RUVBL1: variants seen among roughly 807,000 people sequenced by gnomAD.
The protein encoded by RUVBL1 is ruvB-like 1.
RUVBL1 carries 4 observed loss-of-function variants against 52.4 expected under a neutral mutation model. The observed-to-expected ratio is 0.08, with a 90% confidence interval of 0.04 to 0.17. The LOEUF (loss-of-function observed/expected upper bound fraction) is 0.17, where lower values mean the gene tolerates loss of function less well. Ranked by LOEUF, RUVBL1 falls within the 10% of genes least tolerant of loss-of-function variation. RUVBL1 has a pLI of 1.00. For synonymous variants in RUVBL1, 217 were observed against 214.4 expected (o/e 1.01, Z -0.10); for missense variants, 298 against 572.8 (o/e 0.52, Z 4.90).
upstream of RUVBL1, among the ~76,000 whole-genome samples, chr3:128,127,768 G>A (rs1173121263): frequency 6.6e-6 from 1 of 152,136 alleles, no homozygotes; most frequent in Admixed American, 6.5e-5. Context: ...AGGCCGAGGT[G>A]GGCAGATCAC....
intron 9 of RUVBL1, chr3:128,066,983 G>A (rs776717459): frequency 2.4e-5 from 38 of 1,614,026 alleles, no homozygotes; most frequent in Non-Finnish European, 3.0e-5. Context: ...CAATCAAGTC[G>A]GCCCGCTACC....
chr3:128,099,780 G>A (rs963062618), intron 6 of RUVBL1, among the ~76,000 whole-genome samples: 1 of 152,178 alleles, frequency 6.6e-6, no homozygotes, highest in African/African-American at 2.4e-5. Context: ...CAAGTAGGAG[G>A]GAACTCAAAA....
chr3:128,098,102 C>A (rs1323434635), intron 7 of RUVBL1, among the ~76,000 whole-genome samples: 2 of 152,156 alleles, frequency 1.3e-5, no homozygotes, highest in African/African-American at 4.8e-5. Flanking sequence ...GGATGAGTCT[C>A]TCAAAAGTTA....
exon 1 of RUVBL1, chr3:128,153,849 G>A: frequency 6.7e-7 from 1 of 1,482,688 alleles, no homozygotes; most frequent in East Asian, 2.7e-5. Context: ...GGCGGGAGCC[G>A]GGCTCAGGGA....
chr3:128,151,024 A>T (rs1259527948), intron 1 of RUVBL1, among the ~76,000 whole-genome samples: 2 of 84,886 alleles, frequency 2.4e-5, no homozygotes, highest in Non-Finnish European at 4.1e-5. Flanking sequence ...TTATATATAT[A>T]ATATATATTC....
intron 3 of RUVBL1, among the ~76,000 whole-genome samples, chr3:128,108,020 A>G (rs1943288677): frequency 6.6e-6 from 1 of 152,214 alleles, no homozygotes; most frequent in Admixed American, 6.5e-5. Context: ...GTGACGGACA[A>G]TGAAACCGGC....
intron 9 of RUVBL1, among the ~76,000 whole-genome samples, chr3:128,087,272 G>A (rs1018591933): frequency 2.0e-5 from 3 of 152,202 alleles, no homozygotes; most frequent in Admixed American, 1.3e-4. Flanking sequence ...GTGGAACAGC[G>A]AGCCTGGCCT....
chr3:128,096,490 A>G (rs1212810615), intron 8 of RUVBL1, among the ~76,000 whole-genome samples: 1 of 152,102 alleles, frequency 6.6e-6, no homozygotes, highest in Non-Finnish European at 1.5e-5. Context: ...GTGGAGCGGG[A>G]GGATGGAAAG....
At chr3:128,131,844 T>C (rs754199070) in intron 1 of RUVBL1, among the ~76,000 whole-genome samples, 2 of 152,152 alleles carry the variant, frequency 1.3e-5, no homozygotes, top group Admixed American at 1.3e-4. Context: ...GATGGCCAAA[T>C]GCACCCTCCA....
At chr3:128,092,741 T>G (rs918904752) in intron 8 of RUVBL1, among the ~76,000 whole-genome samples, 7 of 152,238 alleles carry the variant, frequency 4.6e-5, no homozygotes, top group Non-Finnish European at 8.8e-5. Flanking sequence ...CTTCGTCCAT[T>G]GCTGGTAGGA....
At chr3:128,121,551 T>C (rs1943648257) in intron 1 of RUVBL1, among the ~76,000 whole-genome samples, 1 of 150,598 alleles carries the variant, frequency 6.6e-6, no homozygotes, top group Non-Finnish European at 1.5e-5. Flanking sequence ...CTCTACTAAA[T>C]ATACAAAAAT....
At chr3:128,075,957 T>G (rs936588725), downstream of RUVBL1, 2 of 152,500 alleles carry the variant, frequency 1.3e-5, no homozygotes, top group Admixed American at 1.3e-4. Flanking sequence ...CCTTGGCAGT[T>G]CGGACTTCGG....
At position 128,067,726 on chromosome 3, in the gene RUVBL1, G is replaced by A. The variant is rs1035695562; in HGVS notation, c.940-2506C>T. On this transcript the variant is annotated intron_variant, in intron 9 of 9. Transcript: ENST00000464873. This position sits in a 1 kb window ranked among gnomAD's most constrained non-coding sequence, Gnocchi z 4.1. ...CTGTGACGTGTGCAGATAGATCGTC[G>A]TCCTTTAGGGGGCAGTTCAGAAGCT... The A allele has an allele frequency of 3.3e-5, 29 of 869,506 alleles. No homozygotes were observed. Among genetic ancestry groups the A allele is most frequent in the Non-Finnish European group, 4.4e-5 (25 of 565,300 alleles). The allele number at this position is 869,506 out of a possible 1,614,324, so 53.9% of individuals were successfully genotyped here.
At chr3:128,068,559 G>A (rs1261964552) in intron 9 of RUVBL1, 1 of 158,908 alleles carries the variant, frequency 6.3e-6, no homozygotes, top group South Asian at 1.8e-4. Context: ...CAGAAGGGAT[G>A]GAGCCTGCAG....
At chr3:128,153,338 G>A in exon 1 of RUVBL1, 1 of 1,375,604 alleles carries the variant, frequency 7.3e-7, no homozygotes, top group Non-Finnish European at 9.3e-7. Flanking sequence ...CCCACTCGGA[G>A]CACGGCGCTC....
chr3:128,079,926 A>T (rs745365783), downstream of RUVBL1, among the ~76,000 whole-genome samples: 1 of 152,242 alleles, frequency 6.6e-6, no homozygotes, highest in African/African-American at 2.4e-5. Flanking sequence ...ACGGAGATCC[A>T]GTCTGAACTA....
chr3:128,081,423 G>A lies in RUVBL1; in HGVS notation c.1212-14C>T, dbSNP rs1279236735. ...TGCACTGAGTACCTAGAGTGGACAG[G>A]GGCCAGGGCTGGAGTGAAACTGGGG... On this transcript the variant is annotated splice_polypyrimidine_tract_variant and intron_variant, in intron 10 of 10. Transcript: ENST00000322623. This position sits in a 1 kb window ranked among gnomAD's most constrained non-coding sequence, Gnocchi z 4.8. 2.5e-6 allele frequency: 4 copies of A among 1,606,092 alleles called. No individual in the cohort carries two copies. Among genetic ancestry groups the A allele is most frequent in the Non-Finnish European group, 3.4e-6 (4 of 1,173,580 alleles).
chr3:128,066,975 A>G (rs1404879420), intron 9 of RUVBL1: 9 of 1,614,144 alleles, frequency 5.6e-6, no homozygotes, highest in Non-Finnish European at 7.6e-6. Flanking sequence ...GGACCTGCCA[A>G]TCAAGTCGGC....
Position 128,123,744 on chromosome 3 carries a change from A to G in RUVBL1, c.-20T>C, listed in dbSNP as rs1258298782. 1 of 1,587,480 alleles carries G rather than the reference A, an allele frequency of 6.3e-7. No individual in the cohort carries two copies. Among genetic ancestry groups the G allele is most frequent in the Non-Finnish European group, 8.6e-7 (1 of 1,161,976 alleles). ...CTTCATTTTGCAGACGCCGGGAGCT[A>G]AAACCAGCGTGGAAAACCAGCAGCT... On this transcript the variant is annotated 5_prime_UTR_variant, in exon 1 of 11. Transcript: ENST00000322623.
Sources: allele counts gnomAD v4.1 joint callset (sites outside exome capture counted in the v4.1 genomes callset), GRCh38; gene constraint gnomAD v4.1.1; non-coding constraint Gnocchi (gnomAD v3.1); transcripts MANE v1.5; gene names NCBI Gene and HGNC (gene_info 2026-07-23, HGNC 2026-07-21).